LARGE1: variants seen among roughly 807,000 people sequenced by gnomAD.
LARGE1 encodes LARGE xylosyl- and glucuronyltransferase 1.
A neutral mutation model predicts 87.6 loss-of-function variants in LARGE1; 43 were observed. The observed-to-expected ratio is 0.49, with a 90% CI of 0.38 to 0.63. LARGE1 has a LOEUF of 0.63. Ranked by LOEUF, LARGE1 falls within the 30% of genes least tolerant of loss-of-function variation. The probability of loss-of-function intolerance (pLI) is 0.00; values close to 1 mark genes in which losing one functional copy is unlikely to be tolerated. For missense variants in LARGE1, 802 were observed against 1,000.2 expected (o/e 0.80, Z 2.67); for synonymous variants, 434 against 394.6 (o/e 1.10, Z -1.18).
At chr22:33,753,877 T>C (rs1225032941) in intron 2 of LARGE1, among the ~76,000 whole-genome samples, 1 of 152,076 alleles carries the variant, frequency 6.6e-6, no homozygotes, top group African/African-American at 2.4e-5. Flanking sequence ...CTGGCCAACA[T>C]GGTGAAACCC....
rs113252257 is a variant in LARGE1 at position 33,342,046 on chromosome 22, T to C, written c.1132-4245A>G. 5.3e-5 allele frequency among the ~76,000 whole-genome samples: 8 copies of C among 152,312 alleles called. No individual in the cohort carries two copies. In the East Asian group the frequency reaches 5.8e-4, roughly 11 times the overall value. On this transcript the variant is annotated intron_variant, in intron 9 of 14. Transcript: ENST00000397394. The stretch of plus-strand genomic sequence containing the variant: ...TTCAGGGACGTATGAGTGTGCAATA[T>C]GTGCTTTTCTTCTTGTGCCTTTTGA...
intron 6 of LARGE1, among the ~76,000 whole-genome samples, chr22:33,504,928 T>C (rs963127397): frequency 1.3e-5 from 2 of 152,218 alleles, no homozygotes; most frequent in South Asian, 2.1e-4. Flanking sequence ...CTAAAGTGTA[T>C]AGCATCTATC....
At chr22:33,146,321 T>C in the LARGE1 span, among the ~76,000 whole-genome samples, 3 of 152,188 alleles carry the variant, frequency 2.0e-5, no homozygotes, top group Non-Finnish European at 4.4e-5. Flanking sequence ...CAAAACCCAT[T>C]CTCCCTTTCT....
At chr22:33,176,193 T>G (rs1231957203) in intron 11 of LARGE1, among the ~76,000 whole-genome samples, 1 of 152,064 alleles carries the variant, frequency 6.6e-6, no homozygotes, top group African/African-American at 2.4e-5. Flanking sequence ...CCTAAAACCA[T>G]AAAAACCCTA....
intron 7 of LARGE1, among the ~76,000 whole-genome samples, chr22:33,402,909 A>G (rs1302402037): frequency 6.6e-6 from 1 of 152,128 alleles, no homozygotes; most frequent in East Asian, 1.9e-4. Flanking sequence ...TTATAACATC[A>G]CAGAAAGATC....
chr22:33,451,288 C>T lies in LARGE1; in HGVS notation c.788-19023G>A, dbSNP rs143476343. ...CGGTGGGAGAGAACAAGAGAGGGAA[C>T]ACATTTGTCTATATGCGCGTAGGTG... On this transcript the variant is annotated intron_variant, in intron 6 of 14. Transcript: ENST00000397394. Among the ~76,000 whole-genome samples the T allele has an allele frequency of 4.3e-4, 66 of 152,142 alleles. No individual in the cohort carries two copies. The East Asian group carries it at 7.7e-3, about 18-fold the overall frequency.
At chr22:33,138,266 T>C in the LARGE1 span, among the ~76,000 whole-genome samples, 1 of 152,130 alleles carries the variant, frequency 6.6e-6, no homozygotes, top group Non-Finnish European at 1.5e-5. Flanking sequence ...TTCGGACTTA[T>C]ATGGGGCCCG....
the LARGE1 span, among the ~76,000 whole-genome samples, chr22:33,140,878 C>T: frequency 1.3e-5 from 2 of 152,266 alleles, no homozygotes; most frequent in South Asian, 4.2e-4. Context: ...AACTCCCTTT[C>T]ATATATACAT....
chr22:33,445,953 A>C (rs2067671635), intron 6 of LARGE1, among the ~76,000 whole-genome samples: 1 of 152,148 alleles, frequency 6.6e-6, no homozygotes, highest in African/African-American at 2.4e-5. Context: ...CCCGGCCCTA[A>C]GGGGGCCACT....
chr22:33,648,521 A>G (rs2080690753), intron 3 of LARGE1, among the ~76,000 whole-genome samples: 1 of 152,186 alleles, frequency 6.6e-6, no homozygotes, highest in African/African-American at 2.4e-5. Context: ...AACCAACACC[A>G]TGGCTGTGAT....
At chr22:33,798,571 C>T (rs1241329924) in intron 1 of LARGE1, among the ~76,000 whole-genome samples, 1 of 152,212 alleles carries the variant, frequency 6.6e-6, no homozygotes, top group Non-Finnish European at 1.5e-5. Flanking sequence ...TTTACCAACA[C>T]ACATGGCTTT....
intron 11 of LARGE1, among the ~76,000 whole-genome samples, chr22:33,220,327 C>T (rs1925399163): frequency 6.6e-6 from 1 of 152,152 alleles, no homozygotes; most frequent in Admixed American, 6.5e-5. Context: ...TATATGTTTG[C>T]TGTTTTGTCA....
intron 4 of LARGE1, among the ~76,000 whole-genome samples, chr22:33,612,060 C>T (rs1021943867): frequency 1.3e-5 from 2 of 152,150 alleles, no homozygotes; most frequent in African/African-American, 4.8e-5. Flanking sequence ...GAACTGTGAG[C>T]CAATTAAATC....
At chr22:33,652,717 G>A (rs550072862) in intron 2 of LARGE1, among the ~76,000 whole-genome samples, 4 of 152,302 alleles carry the variant, frequency 2.6e-5, no homozygotes, top group Admixed American at 2.6e-4. Flanking sequence ...CAAACTTGAG[G>A]ATCAAAGAAT....
At chr22:33,386,707 G>C (rs1055188366) in intron 7 of LARGE1, among the ~76,000 whole-genome samples, 1 of 133,606 alleles carries the variant, frequency 7.5e-6, no homozygotes. Flanking sequence ...AACAATGTTG[G>C]GGGGGGTAGA....
chr22:33,824,298 G>A lies in LARGE1; in HGVS notation c.-82-62740C>T, dbSNP rs200122880. Among the ~76,000 whole-genome samples the A allele has an allele frequency of 5.3e-5, 8 of 152,304 alleles. No individual in the cohort carries two copies. The East Asian group carries it at 1.3e-3, about 26-fold the overall frequency. On this transcript the variant is annotated intron_variant, in intron 1 of 14. Coordinates refer to ENST00000397394, the MANE Select transcript of LARGE1 (RefSeq NM_133642.5). ...GTTCTGCAAGCTGTACAGGAAGCAT[G>A]GCTGGGAAGCCTCAGGAAACTTACA...
At chr22:33,586,839 AC>A (rs2078691472) in intron 5 of LARGE1, among the ~76,000 whole-genome samples, 1 of 152,132 alleles carries the variant, frequency 6.6e-6, no homozygotes, top group Non-Finnish European at 1.5e-5. Context: ...TGCTCCTTTC[AC>A]AGTCGAGAGA....
chr22:33,098,031 G>A, the LARGE1 span, among the ~76,000 whole-genome samples: 5 of 152,114 alleles, frequency 3.3e-5, no homozygotes, highest in African/African-American at 1.2e-4. Context: ...TATAAGCCAG[G>A]CACAGTGGCT....
At chr22:33,776,814 C>T (rs2267285) in intron 1 of LARGE1, among the ~76,000 whole-genome samples, 53,102 of 152,022 alleles carry the variant, frequency 0.35, 9,388 homozygotes, top group Admixed American at 0.42. Flanking sequence ...ATCTCTGGTG[C>T]CAAATGATAC....
Sources: gnomAD v4.1 joint callset for allele counts (sites outside exome capture counted in the v4.1 genomes callset) on GRCh38, gnomAD v4.1.1 for gene constraint, MANE v1.5 for transcripts, NCBI Gene and HGNC (gene_info 2026-07-23, HGNC 2026-07-21) for gene names.